Variants in PLCG2 observed in about 807,000 individuals in gnomAD.
PLCG2 encodes the protein phospholipase C gamma 2.
PLCG2 carries 69 observed loss-of-function variants against 175.6 expected under a neutral mutation model. The observed-to-expected ratio is 0.39, with a 90% CI of 0.32 to 0.48. The LOEUF (loss-of-function observed/expected upper bound fraction) is 0.48. Ranked by LOEUF, PLCG2 falls within the 20% of genes least tolerant of loss-of-function variation. The probability of loss-of-function intolerance (pLI) is 0.91; values close to 1 mark genes in which losing one functional copy is unlikely to be tolerated. For missense variants in PLCG2, 1,798 were observed against 1,650.9 expected (o/e 1.09, Z -1.54); for synonymous variants, 827 against 624.0 (o/e 1.33, Z -4.85).
At chr16:81,937,967 C>G in intron 28 of PLCG2, 64 bp downstream of exon 28, 1 of 1,527,132 alleles carries the variant, frequency 6.5e-7, no homozygotes, top group South Asian at 1.1e-5. Context: ...TGGGCCGATG[C>G]TGTCTTGAGA....
At chr16:81,847,093 C>T (rs901264132) in intron 2 of PLCG2, among the ~76,000 whole-genome samples, 3 of 152,170 alleles carry the variant, frequency 2.0e-5, no homozygotes, top group African/African-American at 7.2e-5. Context: ...GACTGACTGG[C>T]TATAAATTGG....
intron 14 of PLCG2, among the ~76,000 whole-genome samples, chr16:81,901,870 A>C (rs1011295174): frequency 3.5e-4 from 53 of 152,262 alleles, no homozygotes; most frequent in Non-Finnish European, 2.8e-4. Flanking sequence ...TATCTTAATC[A>C]TGTTTCAATA....
chr16:81,769,461 C>G (rs1315544497), intron 2 of PLCG2, among the ~76,000 whole-genome samples: 1 of 152,154 alleles, frequency 6.6e-6, no homozygotes, highest in East Asian at 1.9e-4. Flanking sequence ...TCAGACTTTT[C>G]TAAGGCCCCC....
chr16:81,807,724 A>G (rs1904287604), intron 2 of PLCG2, among the ~76,000 whole-genome samples: 1 of 152,216 alleles, frequency 6.6e-6, no homozygotes, highest in Non-Finnish European at 1.5e-5. Context: ...TAATATAAAA[A>G]GGAAAGAGGT....
At chr16:81,831,501 T>C (rs545922788) in intron 2 of PLCG2, among the ~76,000 whole-genome samples, 1 of 152,324 alleles carries the variant, frequency 6.6e-6, no homozygotes, top group East Asian at 1.9e-4. Context: ...TCTCTATTTG[T>C]CTCAGTTTTA....
chr16:81,799,918 T>C (rs976170782), intron 2 of PLCG2, among the ~76,000 whole-genome samples: 1 of 152,198 alleles, frequency 6.6e-6, no homozygotes, highest in Non-Finnish European at 1.5e-5. Flanking sequence ...TAAATGTCGA[T>C]GTTGGTTTAA....
At chr16:81,873,081 A>G (rs1009169441) in intron 7 of PLCG2, among the ~76,000 whole-genome samples, 2 of 152,174 alleles carry the variant, frequency 1.3e-5, no homozygotes, top group Non-Finnish European at 2.9e-5. Context: ...TTTTTCTCAT[A>G]TATAATAATT....
chr16:81,947,046 A>T (rs1364192731), intron 31 of PLCG2, among the ~76,000 whole-genome samples: 2 of 152,166 alleles, frequency 1.3e-5, no homozygotes, highest in East Asian at 1.9e-4. Context: ...CAGAAAAGTC[A>T]AGTGATAAAA....
chr16:81,788,388 C>T (rs1911078754), intron 2 of PLCG2, among the ~76,000 whole-genome samples: 1 of 152,202 alleles, frequency 6.6e-6, no homozygotes, highest in Admixed American at 6.5e-5. Flanking sequence ...TCATGCCATT[C>T]TCCTGCCTCA....
intron 2 of PLCG2, chr16:81,852,259 C>G (rs1906456110): frequency 6.6e-6 from 1 of 152,200 alleles, no homozygotes; most frequent in Non-Finnish European, 1.5e-5. Flanking sequence ...CAAATAAGTC[C>G]CAGGAGGATG....
At chr16:81,809,116 G>A (rs1389309860) in intron 2 of PLCG2, among the ~76,000 whole-genome samples, 2 of 152,162 alleles carry the variant, frequency 1.3e-5, no homozygotes, top group Non-Finnish European at 2.9e-5. Flanking sequence ...TGAGCATGGT[G>A]ACTTGGACTT....
chr16:81,935,165 G>A (rs1358775199), intron 26 of PLCG2, among the ~76,000 whole-genome samples: 1 of 152,124 alleles, frequency 6.6e-6, no homozygotes, highest in African/African-American at 2.4e-5. Flanking sequence ...TCAACATCAG[G>A]GTGCCAGCAG....
At chr16:81,894,266 G>A (rs1466980925) in intron 12 of PLCG2, among the ~76,000 whole-genome samples, 3 of 151,786 alleles carry the variant, frequency 2.0e-5, no homozygotes, top group Non-Finnish European at 4.4e-5. Context: ...GTATCATTAC[G>A]AAAAGTAAAA....
intron 8 of PLCG2, among the ~76,000 whole-genome samples, chr16:81,882,575 C>T (rs1303119679): frequency 6.6e-6 from 1 of 152,138 alleles, no homozygotes; most frequent in Non-Finnish European, 1.5e-5. Flanking sequence ...CACTCACATC[C>T]CTGTGTTCCC....
At chr16:81,743,103 C>T (rs551914291) in intron 1 of PLCG2, among the ~76,000 whole-genome samples, 1 of 151,990 alleles carries the variant, frequency 6.6e-6, no homozygotes, top group East Asian at 1.9e-4. Flanking sequence ...GAGTTTGAGA[C>T]CAGCCTGGGC....
rs774258147 is a variant in PLCG2 at position 81,921,289 on chromosome 16, A to G, written c.2307+20A>G. The G allele has an allele frequency of 5.8e-6, 9 of 1,541,316 alleles. No homozygotes were observed. Among genetic ancestry groups the G allele is most frequent in the South Asian group, 3.3e-5 (3 of 89,584 alleles). ...TCCATGGTACGGTGCCGAACCTCCA[A>G]TTCACATGATTTTGGAGTCACGAGG... On this transcript the variant is annotated intron_variant, in intron 21 of 32. Coordinates refer to ENST00000564138, the MANE Select transcript of PLCG2 (RefSeq NM_002661.5).
chr16:81,852,258 C>T (rs1337854667), intron 2 of PLCG2: 1 of 152,212 alleles, frequency 6.6e-6, no homozygotes, highest in African/African-American at 2.4e-5. Flanking sequence ...CCAAATAAGT[C>T]CCAGGAGGAT....
intron 1 of PLCG2, among the ~76,000 whole-genome samples, chr16:81,780,751 G>T (rs1910692573): frequency 6.6e-6 from 1 of 152,176 alleles, no homozygotes; most frequent in Non-Finnish European, 1.5e-5. Flanking sequence ...TCTTGGTCAG[G>T]CACGGTGGCT....
At chr16:81,768,828 A>G (rs926857170) in intron 2 of PLCG2, among the ~76,000 whole-genome samples, 1 of 151,950 alleles carries the variant, frequency 6.6e-6, no homozygotes, top group Non-Finnish European at 1.5e-5. Context: ...CGGCCTCCCA[A>G]AGTACTGGGA....
Sources: gnomAD v4.1 joint callset for allele counts (sites outside exome capture counted in the v4.1 genomes callset) on GRCh38, gnomAD v4.1.1 for gene constraint, MANE v1.5 for transcripts, NCBI Gene and HGNC (gene_info 2026-07-23, HGNC 2026-07-21) for gene names.